The following NSUN6 variants were observed in gnomAD, a reference collection of about 807,000 sequenced individuals.
NSUN6 encodes the protein NOP2/Sun RNA methyltransferase 6, also known as tRNA (cytosine(72)-C(5))-methyltransferase NSUN6.
NSUN6 carries 64 observed loss-of-function variants against 58.0 expected under a neutral mutation model. That is an observed-to-expected ratio of 1.10 (90% CI 0.90 to 1.36). NSUN6 has a LOEUF of 1.36. NSUN6 is among the 40% of genes most tolerant of loss of function. NSUN6 has a pLI of 0.00. For missense variants in NSUN6, 701 were observed against 550.1 expected, an observed-to-expected ratio of 1.27 and a Z score of -2.74; for synonymous variants, 231 against 193.9, an observed-to-expected ratio of 1.19 and a Z score of -1.59.
At chr10:18,615,157 G>A (rs1223149525) in intron 4 of NSUN6, among the ~76,000 whole-genome samples, 5 of 150,518 alleles carry the variant, frequency 3.3e-5, no homozygotes, top group African/African-American at 7.4e-5. Flanking sequence ...ACATATATAC[G>A]TGTGTGTATA....
upstream of NSUN6, chr10:18,652,217 A>T (rs560688780): frequency 1.3e-5 from 13 of 979,266 alleles, no homozygotes; most frequent in South Asian, 1.4e-4. Flanking sequence ...CCTCGCCATT[A>T]TTTTTTTTTC....
At chr10:18,561,793 A>G (rs1487600632) in intron 8 of NSUN6, among the ~76,000 whole-genome samples, 1 of 150,558 alleles carries the variant, frequency 6.6e-6, no homozygotes, top group Admixed American at 6.6e-5. Context: ...AATGGAGAAT[A>G]CAATGGAATG....
chr10:18,649,929 G>T (rs958812202), intron 1 of NSUN6, among the ~76,000 whole-genome samples: 2 of 152,128 alleles, frequency 1.3e-5, no homozygotes, highest in African/African-American at 2.4e-5. Context: ...CTTTGGAAAT[G>T]AAACGTAGAA....
At chr10:18,555,906 A>AGAATGGAATGGAAGG (rs2054975120) in intron 8 of NSUN6, among the ~76,000 whole-genome samples, 1 of 140,638 alleles carries the variant, frequency 7.1e-6, no homozygotes, top group African/African-American at 2.7e-5. Context: ...AATGGAATGG[A>AGAATGGAATGGAAGG]GAATGGAATG....
At chr10:18,630,237 T>A (rs1394207314) in intron 3 of NSUN6, among the ~76,000 whole-genome samples, 10 of 148,910 alleles carry the variant, frequency 6.7e-5, no homozygotes, top group Non-Finnish European at 1.3e-4. Context: ...CCAGAATCTC[T>A]GGGACACATT....
At position 18,546,101 on chromosome 10, in the gene NSUN6, T is replaced by G; in HGVS notation, c.1242A>C (p.Ser414=). The change falls in exon 11 of 11, where the codon TCA becomes TCC. Residue 414 remains serine (S), a synonymous_variant. Transcript: ENST00000377304. ...GCTGCAGCTGTTTCAACTGTTCACA[T>G]GAGAGCCCAGCTCCCCTCATTCCTT... ...GGEGMRGAGL[S]CEQLKQLQRF... 6.2e-7 allele frequency: 1 copy of G among 1,613,386 alleles called. No homozygotes were observed. The highest frequency in any genetic ancestry group is 1.3e-5 in the African/African-American group (1 of 75,014).
upstream of NSUN6, chr10:18,652,405 TG>T (rs1258235184): frequency 1.8e-5 from 18 of 984,688 alleles, no homozygotes; most frequent in Admixed American, 9.8e-4. Flanking sequence ...GGTTTTTTAT[TG>T]TTTTTTTCTC....
upstream of NSUN6, chr10:18,651,710 A>G: frequency 1.0e-6 from 1 of 985,580 alleles, no homozygotes; most frequent in Non-Finnish European, 1.2e-6. Context: ...AGTTTCCCCA[A>G]CACTGCGTTA....
chr10:18,617,587 C>T (rs905270222), intron 3 of NSUN6, among the ~76,000 whole-genome samples: 3 of 152,138 alleles, frequency 2.0e-5, no homozygotes, highest in African/African-American at 7.2e-5. Context: ...AATCAGTTTT[C>T]CCTCATCCAT....
At chr10:18,546,235 G>A in intron 10 of NSUN6, 90 bp from the exon 11 acceptor site, 1 of 900,562 alleles carries the variant, frequency 1.1e-6, no homozygotes, top group Non-Finnish European at 1.9e-6. Flanking sequence ...AAATTGGGCT[G>A]TAACGACTAC....
intron 3 of NSUN6, among the ~76,000 whole-genome samples, chr10:18,639,747 A>AT (rs1168092213): frequency 6.6e-6 from 1 of 152,246 alleles, no homozygotes; most frequent in Non-Finnish European, 1.5e-5. Flanking sequence ...ATTGAAAATA[A>AT]TTAAAGTTAA....
intron 8 of NSUN6, among the ~76,000 whole-genome samples, chr10:18,558,447 G>A (rs566160154): frequency 6.6e-6 from 1 of 151,224 alleles, no homozygotes; most frequent in Admixed American, 6.6e-5. Context: ...ATGGTGTGGA[G>A]AATGGAATAG....
intron 8 of NSUN6, among the ~76,000 whole-genome samples, chr10:18,562,523 A>AGAATG (rs548537170): frequency 1.2e-4 from 18 of 147,368 alleles, no homozygotes; most frequent in African/African-American, 4.7e-4. Context: ...AGAATGGAAT[A>AGAATG]GAATGGAATG....
At chr10:18,552,340 C>T (rs1277043769) in intron 8 of NSUN6, among the ~76,000 whole-genome samples, 1 of 151,746 alleles carries the variant, frequency 6.6e-6, no homozygotes, top group African/African-American at 2.4e-5. Context: ...GAAGACAGCC[C>T]CCAAGAAAAT....
intron 3 of NSUN6, among the ~76,000 whole-genome samples, chr10:18,633,597 T>G (rs2059113327): frequency 6.6e-6 from 1 of 152,024 alleles, no homozygotes; most frequent in South Asian, 2.1e-4. Flanking sequence ...CCTGGAGGCC[T>G]AATCAAATTA....
At chr10:18,553,620 T>G (rs2054764384) in intron 8 of NSUN6, among the ~76,000 whole-genome samples, 1 of 140,418 alleles carries the variant, frequency 7.1e-6, no homozygotes. Context: ...TGGCATGGAG[T>G]GGAACGGAAT....
At chr10:18,601,042 G>T (rs909425392) in intron 6 of NSUN6, among the ~76,000 whole-genome samples, 1 of 144,336 alleles carries the variant, frequency 6.9e-6, no homozygotes, top group South Asian at 2.2e-4. Flanking sequence ...ATTTCAAGGT[G>T]TAACTACTTT....
chr10:18,593,878 A>G (rs1325021639), intron 7 of NSUN6, among the ~76,000 whole-genome samples: 1 of 150,928 alleles, frequency 6.6e-6, no homozygotes, highest in Non-Finnish European at 1.5e-5. Flanking sequence ...GCACAATTAA[A>G]AAAAAAAAAA....
At chr10:18,573,996 A>C (rs766960358) in intron 8 of NSUN6, among the ~76,000 whole-genome samples, 11 of 152,098 alleles carry the variant, frequency 7.2e-5, no homozygotes, top group Non-Finnish European at 1.5e-4. Context: ...AATCAAGTCG[A>C]GGAGCTGAAG....
Sources: allele counts gnomAD v4.1 joint callset (sites outside exome capture counted in the v4.1 genomes callset), GRCh38; gene constraint gnomAD v4.1.1; transcripts MANE v1.5; gene names NCBI Gene and HGNC (gene_info 2026-07-23, HGNC 2026-07-21).